The following ZMYND11 variants were observed in gnomAD, a reference collection of about 807,000 sequenced individuals.
ZMYND11 encodes the protein zinc finger MYND-type containing 11.
ZMYND11 carries 9 observed loss-of-function variants against 84.9 expected under a neutral mutation model. The ratio of observed to expected loss-of-function variants is 0.11; its 90% confidence interval spans 0.06 to 0.18. ZMYND11 has a LOEUF of 0.18. Ranked by LOEUF, ZMYND11 falls within the 10% of genes least tolerant of loss-of-function variation. The pLI, the probability that ZMYND11 is intolerant of heterozygous loss-of-function variation, is 1.00. For missense variants in ZMYND11, 409 were observed against 761.0 expected, an observed-to-expected ratio of 0.54 and a Z score of 5.44; for synonymous variants, 250 against 244.1, an observed-to-expected ratio of 1.02 and a Z score of -0.23.
At chr10:200,241 ATAT>A (rs1213402367) in intron 2 of ZMYND11, among the ~76,000 whole-genome samples, 2 of 27,626 alleles carry the variant, frequency 7.2e-5, no homozygotes, top group East Asian at 2.6e-3. Context: ...ATATATAAAA[ATAT>A]ATATATAATA....
intron 2 of ZMYND11, among the ~76,000 whole-genome samples, chr10:197,666 C>T (rs546082549): frequency 7.2e-5 from 11 of 152,112 alleles, no homozygotes; most frequent in Non-Finnish European, 1.6e-4. Context: ...AGTACTAAAA[C>T]CAGAAAGAAA....
chr10:200,201 C>G (rs1285394353), intron 2 of ZMYND11, among the ~76,000 whole-genome samples: 3 of 15,648 alleles, frequency 1.9e-4, no homozygotes, highest in Non-Finnish European at 7.7e-4. Context: ...CCATGCCTGG[C>G]TAGGGTGTGT....
In ZMYND11 at chr10:135,964, C is replaced by T. The variant is rs529404808; in HGVS notation, c.-20+405C>T. 4.0e-5 allele frequency among the ~76,000 whole-genome samples: 6 copies of T among 151,608 alleles called. No homozygotes were observed. The South Asian group carries it at 1.2e-3, about 31-fold the overall frequency. On this transcript the variant is annotated intron_variant, in intron 1 of 14. Transcript: ENST00000381604. The surrounding 1 kb of genome is among the most constrained non-coding windows in gnomAD (Gnocchi z 5.6). ...AGGCCTCCTGGGCCCGTGCGCAGTC[C>T]GGGCCGGCGGGGAACGCGGCTCCGG...
chr10:130,390 C>T (rs781869141), upstream of ZMYND11, among the ~76,000 whole-genome samples: 23 of 152,138 alleles, frequency 1.5e-4, no homozygotes, highest in Admixed American at 5.9e-4. Flanking sequence ...TGCTCGACTA[C>T]GGGACGTGGT....
chr10:221,788 C>G (rs571864954), intron 4 of ZMYND11, among the ~76,000 whole-genome samples: 1 of 151,518 alleles, frequency 6.6e-6, no homozygotes, highest in African/African-American at 2.4e-5. Flanking sequence ...GTAATGTTGC[C>G]TTTATTTTTG....
At chr10:200,243 A>G (rs1292370316) in intron 2 of ZMYND11, among the ~76,000 whole-genome samples, 1 of 33,038 alleles carries the variant, frequency 3.0e-5, no homozygotes, top group Non-Finnish European at 1.1e-4. Flanking sequence ...ATATAAAAAT[A>G]TATATATAAT....
At chr10:132,800 C>T (rs930558360), upstream of ZMYND11, among the ~76,000 whole-genome samples, 8 of 152,216 alleles carry the variant, frequency 5.3e-5, no homozygotes, top group African/African-American at 7.2e-5. Flanking sequence ...TGATTGGGGG[C>T]GGGAGGAGTA....
At chr10:247,068 C>T (rs944379784) in intron 11 of ZMYND11, 95 bp downstream of exon 11, 97 of 1,263,210 alleles carry the variant, frequency 7.7e-5, no homozygotes, top group South Asian at 5.5e-5. Context: ...CAGATTTTGA[C>T]GTTCTCCTTC....
intron 1 of ZMYND11, among the ~76,000 whole-genome samples, chr10:157,487 G>A (rs922980843): frequency 2.6e-5 from 4 of 152,106 alleles, no homozygotes; most frequent in Admixed American, 1.3e-4. Flanking sequence ...GGCATGAGCC[G>A]TTGCGCCTGG....
chr10:187,617 C>CAG, intron 2 of ZMYND11, among the ~76,000 whole-genome samples: 1 of 131,812 alleles, frequency 7.6e-6, no homozygotes, highest in Non-Finnish European at 1.6e-5. Context: ...CTGGGCTAAA[C>CAG]AGCGGGACTC....
In ZMYND11 at chr10:149,912, G is replaced by A. The variant is rs931069170; in HGVS notation, c.-20+14353G>A. On this transcript the variant is annotated intron_variant, in intron 1 of 14. Transcript: ENST00000381604. Reference sequence around the variant, plus strand: ...TGGTTCTGTTTATATGCTGGATTACGTTTATTGATTTGTGTATGTTGAACC... The same window carrying A: ...TGGTTCTGTTTATATGCTGGATTACATTTATTGATTTGTGTATGTTGAACC... Among the ~76,000 whole-genome samples, 6 of 152,132 alleles carry A rather than the reference G, an allele frequency of 3.9e-5. No homozygotes were observed. In the East Asian group the frequency reaches 5.8e-4, roughly 15 times the overall value.
rs1051438982 is a variant in ZMYND11, at chr10:254,064, G to C, written c.*1594G>C. The C allele has an allele frequency of 1.3e-5, 2 of 152,382 alleles. No homozygotes were observed. Among genetic ancestry groups the C allele is most frequent in the African/African-American group, 4.8e-5 (2 of 41,432 alleles). The allele number at this position is 152,382 out of a possible 1,614,324, so 9.4% of individuals were successfully genotyped here. On this transcript the variant is annotated 3_prime_UTR_variant, in exon 15 of 15. Transcript: ENST00000381604. ...AATTATGCAGTAACTTGGCATCATC[G>C]TTCCCTCCTTGTTGCTGTGTAATTA... is the stretch of plus-strand genomic sequence containing the variant.
intron 1 of ZMYND11, among the ~76,000 whole-genome samples, chr10:145,259 T>C (rs1367148197): frequency 2.6e-5 from 4 of 151,388 alleles, no homozygotes; most frequent in Admixed American, 6.6e-5. Flanking sequence ...TATATATATA[T>C]GTATATATAT....
At chr10:161,243 G>T (rs1842893350) in intron 1 of ZMYND11, among the ~76,000 whole-genome samples, 1 of 152,208 alleles carries the variant, frequency 6.6e-6, no homozygotes, top group Admixed American at 6.5e-5. Context: ...TGGATTGCCA[G>T]TGAGCAGTAA....
At chr10:222,360 TACTC>T (rs1266201663) in intron 4 of ZMYND11, among the ~76,000 whole-genome samples, 1 of 152,212 alleles carries the variant, frequency 6.6e-6, no homozygotes, top group Non-Finnish European at 1.5e-5. Context: ...ACGTTATACT[TACTC>T]ATTAGGCATA....
intron 12 of ZMYND11, 113 bp from the exon 13 acceptor site, chr10:248,223 T>G (rs908584538): frequency 5.8e-6 from 8 of 1,369,716 alleles, no homozygotes; most frequent in Non-Finnish European, 7.9e-6. Flanking sequence ...TCAACAGCAG[T>G]TTATTCTATG....
At chr10:248,821 G>A in intron 13 of ZMYND11, 82 bp from the exon 14 acceptor site, 1 of 1,501,478 alleles carries the variant, frequency 6.7e-7, no homozygotes, top group East Asian at 2.5e-5. Context: ...CCTCATGCAA[G>A]TTGTGTTAAG....
intron 1 of ZMYND11, among the ~76,000 whole-genome samples, chr10:172,929 C>T (rs1354735705): frequency 6.6e-6 from 1 of 151,718 alleles, no homozygotes; most frequent in South Asian, 2.1e-4. Flanking sequence ...GAAATACTCA[C>T]ATAAATACAG....
chr10:218,521 T>C, intron 3 of ZMYND11: 1 of 359,494 alleles, frequency 2.8e-6, no homozygotes, highest in South Asian at 2.3e-5. Flanking sequence ...TTGCACTATG[T>C]TATTTTACTA....
Sources: gnomAD v4.1 joint callset for allele counts (sites outside exome capture counted in the v4.1 genomes callset) on GRCh38, gnomAD v4.1.1 for gene constraint, Gnocchi (gnomAD v3.1) non-coding constraint, MANE v1.5 for transcripts, NCBI Gene and HGNC (gene_info 2026-07-23, HGNC 2026-07-21) for gene names.